The following ATG10 variants were observed in gnomAD, a reference collection of about 807,000 sequenced individuals.
ATG10 encodes autophagy related 10.
A neutral mutation model predicts 32.1 loss-of-function variants in ATG10; 30 were observed. That is an observed-to-expected ratio of 0.94 (90% CI 0.70 to 1.27). ATG10 has a LOEUF of 1.27. Among genes scored for constraint, ATG10 ranks in the 50% most tolerant of loss-of-function variants. ATG10 has a pLI of 0.00. For missense variants in ATG10, 233 were observed against 262.3 expected (o/e 0.89, Z 0.77); for synonymous variants, 87 against 91.5 (o/e 0.95, Z 0.28).
At chr5:82,154,826 AG>A (rs751594855) in intron 3 of ATG10, among the ~76,000 whole-genome samples, 3 of 152,246 alleles carry the variant, frequency 2.0e-5, no homozygotes, top group Non-Finnish European at 2.9e-5. Context: ...GTAAAAACCA[AG>A]CAAAGAAACA....
intron 3 of ATG10, among the ~76,000 whole-genome samples, chr5:82,085,424 G>A (rs907010278): frequency 6.8e-6 from 1 of 146,084 alleles, no homozygotes; most frequent in Non-Finnish European, 1.5e-5. Flanking sequence ...ACAGATCAAT[G>A]AGACAGAAAG....
intron 2 of ATG10, among the ~76,000 whole-genome samples, chr5:81,998,651 A>T (rs984849929): frequency 6.6e-6 from 1 of 152,240 alleles, no homozygotes; most frequent in African/African-American, 2.4e-5. Flanking sequence ...CCCATCTCAC[A>T]TGCAGTGACA....
intron 2 of ATG10, among the ~76,000 whole-genome samples, chr5:82,047,244 G>T (rs554910992): frequency 1.5e-4 from 23 of 152,140 alleles, no homozygotes; most frequent in African/African-American, 5.3e-4. Flanking sequence ...TTAATAAAAA[G>T]TATGAGGGCA....
At chr5:82,190,952 T>C (rs1183391730) in intron 5 of ATG10, among the ~76,000 whole-genome samples, 1 of 152,190 alleles carries the variant, frequency 6.6e-6, no homozygotes, top group African/African-American at 2.4e-5. Flanking sequence ...CAAATATTAT[T>C]TGGAATAAAT....
intron 3 of ATG10, among the ~76,000 whole-genome samples, chr5:82,106,373 G>T (rs1765444702): frequency 6.6e-6 from 1 of 152,044 alleles, no homozygotes; most frequent in Admixed American, 6.6e-5. Context: ...CTCATCTCTA[G>T]TGGTATGAAG....
chr5:82,059,004 C>T (rs747934760), intron 3 of ATG10, among the ~76,000 whole-genome samples: 15 of 152,034 alleles, frequency 9.9e-5, no homozygotes, highest in Non-Finnish European at 1.8e-4. Context: ...AGTAAAATTC[C>T]CTGAATATAG....
At chr5:82,141,822 A>T (rs10942292) in intron 3 of ATG10, among the ~76,000 whole-genome samples, 51,987 of 151,312 alleles carry the variant, frequency 0.34, 10,233 homozygotes, top group East Asian at 0.76. Context: ...ACACATACAC[A>T]CACACACCCA....
intron 2 of ATG10, among the ~76,000 whole-genome samples, chr5:81,993,360 C>CTTTCTTTTCTTTTCTTTTCTT: frequency 2.1e-5 from 1 of 46,798 alleles, no homozygotes; most frequent in East Asian, 6.4e-4. Flanking sequence ...TCTTTCTTTC[C>CTTTCTTTTCTTTTCTTTTCTT]TTCTTTTCTT....
intron 2 of ATG10, among the ~76,000 whole-genome samples, chr5:82,010,598 C>T (rs1762102983): frequency 6.6e-6 from 1 of 151,958 alleles, no homozygotes; most frequent in African/African-American, 2.4e-5. Context: ...CTGGGTTTTC[C>T]CCATTTTAAG....
Position 82,138,066 on chromosome 5 carries a change from G to A in ATG10, c.217-26333G>A, listed in dbSNP as rs548375795. Among the ~76,000 whole-genome samples, 3 of 152,248 alleles carry A rather than the reference G, an allele frequency of 2.0e-5. No individual in the cohort carries two copies. The South Asian group carries it at 6.2e-4, about 32-fold the overall frequency. On this transcript the variant is annotated intron_variant, in intron 3 of 7. Coordinates refer to ENST00000282185, the MANE Select transcript of ATG10 (RefSeq NM_031482.5). The stretch of plus-strand genomic sequence containing the variant: ...TAGTCAAGACTCAGTAATGGTGGAC[G>A]CCCCTGTCCCCAGCAAGCTTGAGTG...
chr5:81,998,973 G>A (rs982839083), intron 2 of ATG10, among the ~76,000 whole-genome samples: 2 of 152,042 alleles, frequency 1.3e-5, no homozygotes, highest in African/African-American at 4.8e-5. Flanking sequence ...GTATTAGATT[G>A]TTGAGGCAGA....
chr5:82,082,001 TTC>T (rs974991433), intron 3 of ATG10, among the ~76,000 whole-genome samples: 2 of 152,110 alleles, frequency 1.3e-5, no homozygotes, highest in Non-Finnish European at 2.9e-5. Flanking sequence ...ACTTGGAAAC[TTC>T]TGTTTTTAAA....
chr5:82,136,091 A>T (rs1345848862), intron 3 of ATG10, among the ~76,000 whole-genome samples: 3 of 151,768 alleles, frequency 2.0e-5, no homozygotes, highest in Non-Finnish European at 4.4e-5. Flanking sequence ...TTATTCTTCC[A>T]TCCCTTTATT....
At chr5:82,080,349 A>G (rs1169049832) in intron 3 of ATG10, among the ~76,000 whole-genome samples, 1 of 152,186 alleles carries the variant, frequency 6.6e-6, no homozygotes, top group African/African-American at 2.4e-5. Flanking sequence ...TTTGTTGTGC[A>G]GAAGCTCTTT....
intron 2 of ATG10, among the ~76,000 whole-genome samples, chr5:82,053,921 A>G (rs1763506916): frequency 6.6e-6 from 1 of 152,214 alleles, no homozygotes; most frequent in South Asian, 2.1e-4. Context: ...CAGTCTCAGC[A>G]TGGTCAAAGC....
chr5:81,989,627 CTCGCTCTG>C (rs1761396133), intron 2 of ATG10, among the ~76,000 whole-genome samples: 1 of 150,304 alleles, frequency 6.7e-6, no homozygotes, highest in African/African-American at 2.4e-5. Context: ...TGAGACGAGT[CTCGCTCTG>C]TCGCCCAGGC....
intron 2 of ATG10, among the ~76,000 whole-genome samples, chr5:82,032,072 C>T (rs1762756364): frequency 6.6e-6 from 1 of 152,162 alleles, no homozygotes; most frequent in Non-Finnish European, 1.5e-5. Context: ...AGACTTAATT[C>T]TATGTTGCTT....
At chr5:82,139,534 A>AC in intron 3 of ATG10, among the ~76,000 whole-genome samples, 1 of 114,820 alleles carries the variant, frequency 8.7e-6, no homozygotes, top group Non-Finnish European at 1.8e-5. Flanking sequence ...CCCGGCCGAG[A>AC]CCCCGTCTGG....
chr5:82,102,025 A>T (rs1765291226), intron 3 of ATG10, among the ~76,000 whole-genome samples: 1 of 152,164 alleles, frequency 6.6e-6, no homozygotes, highest in South Asian at 2.1e-4. Context: ...ACACATACTG[A>T]CTTCACACAC....
Sources: gnomAD v4.1 joint callset for allele counts (sites outside exome capture counted in the v4.1 genomes callset) on GRCh38, gnomAD v4.1.1 for gene constraint, MANE v1.5 for transcripts, NCBI Gene and HGNC (gene_info 2026-07-23, HGNC 2026-07-21) for gene names.